The following GRIA1 variants were observed in gnomAD, a reference collection of about 807,000 sequenced individuals.
GRIA1 encodes the protein glutamate receptor 1.
Under a neutral mutation model 99.2 loss-of-function variants are expected in GRIA1, and 31 were observed. The ratio of observed to expected loss-of-function variants is 0.31; its 90% CI spans 0.23 to 0.42. GRIA1 has a LOEUF of 0.42. GRIA1 is among the 10% of genes least tolerant of loss of function. GRIA1 has a pLI of 1.00. For missense variants in GRIA1, 782 were observed against 1,157.5 expected (o/e 0.68, Z 4.71); for synonymous variants, 438 against 432.4 (o/e 1.01, Z -0.16).
intron 2 of GRIA1, among the ~76,000 whole-genome samples, chr5:153,609,050 G>A (rs1206592742): frequency 1.3e-5 from 2 of 152,056 alleles, no homozygotes; most frequent in South Asian, 2.1e-4. Flanking sequence ...CCTAAAGTTG[G>A]GTTTAACAAG....
In GRIA1 at chr5:153,673,262, T is replaced by G. The variant is rs568568278; in HGVS notation, c.700-1238T>G. On this transcript the variant is annotated intron_variant, in intron 5 of 15. Coordinates refer to ENST00000285900, the MANE Select transcript of GRIA1 (RefSeq NM_000827.4). ...CTCAGGTCCCTAAGCCAAGACCACCTCCTTGCGGAGGCTCATCCTCATCAC... is the reference window on the plus strand; with the variant it reads ...CTCAGGTCCCTAAGCCAAGACCACCGCCTTGCGGAGGCTCATCCTCATCAC... Among the ~76,000 whole-genome samples the G allele has an allele frequency of 1.6e-4, 25 of 152,296 alleles. No individual in the cohort carries two copies. In the South Asian group the frequency reaches 5.0e-3, roughly 30 times the overall value.
At chr5:153,618,064 T>C (rs1766684520) in intron 2 of GRIA1, among the ~76,000 whole-genome samples, 1 of 152,246 alleles carries the variant, frequency 6.6e-6, no homozygotes, top group Non-Finnish European at 1.5e-5. Flanking sequence ...TCTTGTATGC[T>C]GGTTTTCTTC....
chr5:153,733,662 GA>G (rs1359162215), intron 11 of GRIA1, among the ~76,000 whole-genome samples: 2 of 152,054 alleles, frequency 1.3e-5, no homozygotes, highest in Non-Finnish European at 2.9e-5. Context: ...CAATTGTATA[GA>G]AAAAGATATT....
Position 153,579,860 on chromosome 5 carries a change from C to T in GRIA1, c.221-67068C>T, listed in dbSNP as rs545874318. On this transcript the variant is annotated intron_variant, in intron 2 of 15. Coordinates refer to ENST00000285900, the MANE Select transcript of GRIA1 (RefSeq NM_000827.4). Reference sequence around the variant, plus strand: ...CTGTATCAAGACCCCTCAGCTCCTGCGGGGCCTTGTGAAAAAACAAAAACA... The same window carrying T: ...CTGTATCAAGACCCCTCAGCTCCTGTGGGGCCTTGTGAAAAAACAAAAACA... Among the ~76,000 whole-genome samples the T allele has an allele frequency of 8.6e-5, 13 of 150,732 alleles. No homozygotes were observed. The South Asian group carries it at 1.1e-3, about 12-fold the overall frequency.
At chr5:153,493,234 A>T (rs1440719015) in intron 1 of GRIA1, among the ~76,000 whole-genome samples, 1 of 152,242 alleles carries the variant, frequency 6.6e-6, no homozygotes, top group Admixed American at 6.5e-5. Flanking sequence ...CAAACACACA[A>T]TGGCAATCCC....
At chr5:153,626,757 G>C (rs1324645329) in intron 2 of GRIA1, among the ~76,000 whole-genome samples, 1 of 152,078 alleles carries the variant, frequency 6.6e-6, no homozygotes, top group Non-Finnish European at 1.5e-5. Flanking sequence ...GACAAAGCAG[G>C]ATCTTCAGAT....
chr5:153,791,336 G>A (rs2149655046), intron 13 of GRIA1, among the ~76,000 whole-genome samples: 1 of 151,994 alleles, frequency 6.6e-6, no homozygotes, highest in African/African-American at 2.4e-5. Flanking sequence ...TCCTTGTTGT[G>A]AAGTTGTGAA....
intron 5 of GRIA1, among the ~76,000 whole-genome samples, chr5:153,672,768 C>A (rs1371612073): frequency 1.3e-5 from 2 of 152,302 alleles, no homozygotes; most frequent in East Asian, 3.9e-4. Context: ...CAGTTCAGAA[C>A]TTCTCCATCG....
chr5:153,505,122 A>T (rs931990412), intron 2 of GRIA1, among the ~76,000 whole-genome samples: 1 of 152,192 alleles, frequency 6.6e-6, no homozygotes, highest in African/African-American at 2.4e-5. Flanking sequence ...TGTCCAAGGC[A>T]AACAGGGCAG....
At chr5:153,516,335 C>G (rs923475700) in intron 2 of GRIA1, among the ~76,000 whole-genome samples, 17 of 151,056 alleles carry the variant, frequency 1.1e-4, no homozygotes, top group African/African-American at 3.9e-4. Context: ...GTTGCCAGAC[C>G]CATGCTTGGA....
At chr5:153,789,770 A>G (rs1424458789) in intron 13 of GRIA1, among the ~76,000 whole-genome samples, 1 of 152,242 alleles carries the variant, frequency 6.6e-6, no homozygotes, top group Non-Finnish European at 1.5e-5. Flanking sequence ...TCTGAGGCTT[A>G]GAGAAGTTTA....
At chr5:153,490,618 G>C (rs1041693847), upstream of GRIA1, 6 of 514,764 alleles carry the variant, frequency 1.2e-5, no homozygotes, top group South Asian at 8.5e-5. Context: ...GAGAGGGAGT[G>C]GGGGAGCCAG....
intron 2 of GRIA1, among the ~76,000 whole-genome samples, chr5:153,516,866 G>A (rs545899040): frequency 3.5e-4 from 53 of 152,256 alleles, no homozygotes; most frequent in Non-Finnish European, 6.3e-4. Flanking sequence ...AATCAAACAC[G>A]AAAACTGAGC....
At chr5:153,795,728 G>A (rs1765602699) in intron 14 of GRIA1, 1 of 560,804 alleles carries the variant, frequency 1.8e-6, no homozygotes, top group African/African-American at 1.9e-5. Context: ...AAGAGTCCAG[G>A]CAGGGTTAAA....
intron 11 of GRIA1, among the ~76,000 whole-genome samples, chr5:153,720,185 G>A (rs1759955247): frequency 6.6e-6 from 1 of 152,200 alleles, no homozygotes; most frequent in South Asian, 2.1e-4. Context: ...AGCCGGTAAA[G>A]TTAGCATCGA....
intron 1 of GRIA1, chr5:153,491,231 C>A: frequency 6.8e-6 from 9 of 1,315,690 alleles, no homozygotes; most frequent in South Asian, 2.2e-5. Context: ...AATGGAGGAA[C>A]CATCGCTTTG....
chr5:153,545,155 G>T (rs1244641000), intron 2 of GRIA1, among the ~76,000 whole-genome samples: 1 of 152,172 alleles, frequency 6.6e-6, no homozygotes, highest in African/African-American at 2.4e-5. Context: ...GGAGATTCAT[G>T]ACAAGTAGTC....
Position 153,577,151 on chromosome 5 carries a change from TGGTTGGATGGA to T in GRIA1, c.221-69776_221-69766del, listed in dbSNP as rs1762636537. On this transcript the variant is annotated intron_variant, in intron 2 of 15. Transcript: ENST00000285900. ...ATGGGTGGATGGATGGATGGATGGATGGTTGGATGGATGGATGGATGGATGGATGGATGGAT... is the reference window on the plus strand; with the variant it reads ...ATGGGTGGATGGATGGATGGATGGATTGGATGGATGGATGGATGGATGGAT... 1.4e-4 allele frequency among the ~76,000 whole-genome samples: 11 copies of T among 78,532 alleles called. 2 individuals carry two copies. The highest frequency in any genetic ancestry group is 2.2e-4 in the Non-Finnish European group (8 of 36,928). 51.5% of individuals were successfully genotyped at this position (78,532 alleles called of 152,430 possible).
intron 8 of GRIA1, among the ~76,000 whole-genome samples, chr5:153,690,914 A>AT (rs1489456599): frequency 1.3e-5 from 2 of 152,084 alleles, no homozygotes; most frequent in African/African-American, 4.8e-5. Flanking sequence ...AATTTTTCTG[A>AT]TTTTCAAGGG....
Sources: gnomAD v4.1 joint callset for allele counts (sites outside exome capture counted in the v4.1 genomes callset) on GRCh38, gnomAD v4.1.1 for gene constraint, MANE v1.5 for transcripts, NCBI Gene and HGNC (gene_info 2026-07-23, HGNC 2026-07-21) for gene names.